The following MYO10 variants were observed in gnomAD, a reference collection of about 807,000 sequenced individuals.
The protein encoded by MYO10 is myosin X.
Under a neutral mutation model 257.3 loss-of-function variants are expected in MYO10, and 133 were observed. The ratio of observed to expected loss-of-function variants is 0.52; its 90% CI spans 0.45 to 0.60. The LOEUF (loss-of-function observed/expected upper bound fraction) is 0.60, where lower values mean the gene tolerates loss of function less well. Ranked by LOEUF, MYO10 falls within the 20% of genes least tolerant of loss-of-function variation. The pLI is 0.00. For synonymous variants in MYO10, 1,104 were observed against 1,028.6 expected (o/e 1.07, Z -1.40); for missense variants, 2,399 against 2,635.7 (o/e 0.91, Z 1.97).
intron 2 of MYO10, among the ~76,000 whole-genome samples, chr5:16,857,088 T>C (rs1010034321): frequency 1.3e-5 from 2 of 152,234 alleles, no homozygotes; most frequent in East Asian, 3.8e-4. Context: ...CAACTCGCTT[T>C]CTGAAATACT....
At chr5:16,697,114 A>G (rs1306850674) in intron 26 of MYO10, among the ~76,000 whole-genome samples, 2 of 152,090 alleles carry the variant, frequency 1.3e-5, no homozygotes, top group Non-Finnish European at 2.9e-5. Flanking sequence ...TTTCATTCCA[A>G]CAGTCCTACT....
At position 16,680,124 on chromosome 5, in the gene MYO10, C is replaced by T. The variant is rs1472212850; in HGVS notation, c.4385-20G>A. Reference sequence around the variant, plus strand: ...AGTAGCCTGCAATGGCAGGGGTGCCCAGCACACGCACGTCAACGCCAACCT... The same window carrying T: ...AGTAGCCTGCAATGGCAGGGGTGCCTAGCACACGCACGTCAACGCCAACCT... On this transcript the variant is annotated intron_variant, in intron 32 of 40. Coordinates refer to ENST00000513610, the MANE Select transcript of MYO10 (RefSeq NM_012334.3). 6.2e-7 allele frequency: 1 copy of T among 1,600,192 alleles called. No homozygotes were observed. Among genetic ancestry groups the T allele is most frequent in the Non-Finnish European group, 8.6e-7 (1 of 1,169,540 alleles).
At chr5:16,902,040 ATTTTC>A (rs1410756597) in intron 1 of MYO10, among the ~76,000 whole-genome samples, 1 of 151,924 alleles carries the variant, frequency 6.6e-6, no homozygotes, top group Non-Finnish European at 1.5e-5. Flanking sequence ...CTTACCTTTT[ATTTTC>A]TTTATTTTTT....
At position 16,769,164 on chromosome 5, in the gene MYO10, G is replaced by A. The variant is rs11750538; in HGVS notation, c.970C>T (p.Arg324Trp). The change falls in exon 10 of 41, where the codon CGG (arginine) becomes TGG (tryptophan). Residue 324 changes from arginine (R) to tryptophan (W), a missense_variant. Physicochemically the swap from Arg to Trp is moderately radical, Grantham distance 101. Coordinates refer to ENST00000513610, the MANE Select transcript of MYO10 (RefSeq NM_012334.3). ...DVMQFSKEEV[R>W]EVSRLLAGIL... The stretch of plus-strand genomic sequence containing the variant: ...CCAGCAAGCAGCCTCGACACTTCCC[G>A]AACTTCCTCCTTGCTGAACTGCATC... 0.58 allele frequency: 935,084 copies of A among 1,610,528 alleles called. 275,431 individuals carry two copies. Among genetic ancestry groups the A allele is most frequent in the Middle Eastern group, 0.63 (3,814 of 6,042 alleles).
intron 1 of MYO10, among the ~76,000 whole-genome samples, chr5:16,878,630 C>T (rs996946293): frequency 6.6e-6 from 1 of 152,118 alleles, no homozygotes; most frequent in African/African-American, 2.4e-5. Flanking sequence ...CAAAGAATTA[C>T]CTTCATGAAT....
intron 2 of MYO10, among the ~76,000 whole-genome samples, chr5:16,839,450 T>C (rs1229844819): frequency 6.6e-6 from 1 of 152,074 alleles, no homozygotes; most frequent in Non-Finnish European, 1.5e-5. Flanking sequence ...CATGATCAAA[T>C]TGGGACACAC....
chr5:16,741,056 CCCTT>C (rs1740001122), intron 19 of MYO10, among the ~76,000 whole-genome samples: 1 of 152,200 alleles, frequency 6.6e-6, no homozygotes, highest in Non-Finnish European at 1.5e-5. Context: ...GAAAACACCT[CCCTT>C]CCAGGGCACA....
In MYO10 at chr5:16,670,851, T is replaced by C; in HGVS notation, c.5558A>G (p.Glu1853Gly). 6.2e-7 allele frequency: 1 copy of C among 1,613,942 alleles called. No individual in the cohort carries two copies. Among genetic ancestry groups the C allele is most frequent in the Non-Finnish European group, 8.5e-7 (1 of 1,179,882 alleles). The change falls in exon 39 of 41, where the codon GAG becomes GGG. Residue 1853 changes from glutamate to glycine, a missense_variant. Physicochemically the swap from Glu to Gly is moderately conservative, Grantham distance 98. Transcript: ENST00000513610. ...TLHAAIPPLE[E>G]VYSLQRLKAR... ...CTTGAGTCTCTGCAGGGAATAAACC[T>C]CTTCGAGAGGTGGGATGGCAGCGTG...
intron 30 of MYO10, among the ~76,000 whole-genome samples, chr5:16,683,019 A>G (rs527545308): frequency 3.0e-4 from 45 of 152,274 alleles, no homozygotes; most frequent in African/African-American, 9.6e-4. Flanking sequence ...GATATGACAC[A>G]TACGTGTTAA....
chr5:16,754,792 A>G lies in MYO10; in HGVS notation c.1929+36T>C, dbSNP rs369304831. On this transcript the variant is annotated intron_variant, in intron 19 of 40. Transcript: ENST00000513610. Reference sequence around the variant, plus strand: ...CCACCCCAGGAGGCTGTGTCCCTCGAGACAGATCCCAGCCTAGGACTGTCA... The same window carrying G: ...CCACCCCAGGAGGCTGTGTCCCTCGGGACAGATCCCAGCCTAGGACTGTCA... 5.3e-6 allele frequency: 8 copies of G among 1,501,448 alleles called. No individual in the cohort carries two copies. The African/African-American group carries it at 1.1e-4, about 21-fold the overall frequency. 93.0% of individuals were successfully genotyped at this position (1,501,448 alleles called of 1,614,324 possible).
At chr5:16,924,701 TG>T (rs1192054950) in intron 1 of MYO10, among the ~76,000 whole-genome samples, 1 of 151,918 alleles carries the variant, frequency 6.6e-6, no homozygotes, top group Admixed American at 6.6e-5. Context: ...CACATCAAAA[TG>T]GCAAAAAAAT....
chr5:16,727,381 G>A (rs909521419), intron 19 of MYO10, among the ~76,000 whole-genome samples: 9 of 152,136 alleles, frequency 5.9e-5, no homozygotes, highest in African/African-American at 9.7e-5. Flanking sequence ...CCTGCAGCAT[G>A]TTTTGTATAA....
At chr5:16,792,773 G>C (rs1267495992) in intron 4 of MYO10, among the ~76,000 whole-genome samples, 1 of 152,110 alleles carries the variant, frequency 6.6e-6, no homozygotes, top group African/African-American at 2.4e-5. Flanking sequence ...ACTTGGCTGG[G>C]AGTCTTAGGC....
chr5:16,765,490 C>T (rs958571470), intron 11 of MYO10, among the ~76,000 whole-genome samples: 1 of 152,162 alleles, frequency 6.6e-6, no homozygotes, highest in African/African-American at 2.4e-5. Flanking sequence ...TTATATCTAT[C>T]AATCTATCTA....
At chr5:16,747,831 A>G (rs991248667) in intron 19 of MYO10, among the ~76,000 whole-genome samples, 8 of 149,686 alleles carry the variant, frequency 5.3e-5, no homozygotes, top group Non-Finnish European at 7.4e-5. Context: ...AGGCAGGAGA[A>G]TCACTTGAAC....
chr5:16,929,384 T>C (rs1746235287), intron 1 of MYO10, among the ~76,000 whole-genome samples: 1 of 152,158 alleles, frequency 6.6e-6, no homozygotes, highest in Admixed American at 6.5e-5. Context: ...AACTGCCCAC[T>C]TTTAGGGCAT....
rs566602229 is a variant in MYO10 at position 16,829,915 on chromosome 5, G to A, written c.121-11748C>T. ...CACACACACACACGCACACGCACACGCACACAAGAATATACTAGGATAGTT... is the reference window on the plus strand; with the variant it reads ...CACACACACACACGCACACGCACACACACACAAGAATATACTAGGATAGTT... On this transcript the variant is annotated intron_variant, in intron 2 of 40. Transcript: ENST00000513610. 2.6e-4 allele frequency among the ~76,000 whole-genome samples: 40 copies of A among 151,462 alleles called. 1 individual carries two copies. Among genetic ancestry groups the A allele is most frequent in the Admixed American group, 1.8e-3 (28 of 15,214 alleles).
intron 1 of MYO10, among the ~76,000 whole-genome samples, chr5:16,932,559 A>C (rs1746319191): frequency 6.6e-6 from 1 of 152,186 alleles, no homozygotes; most frequent in South Asian, 2.1e-4. Flanking sequence ...AATGCTGAAA[A>C]AACAAGCTTC....
In MYO10 at chr5:16,829,632, C is replaced by T. The variant is rs147341776; in HGVS notation, c.121-11465G>A. Among the ~76,000 whole-genome samples the T allele has an allele frequency of 1.6e-3, 237 of 152,262 alleles. 1 individual carries two copies. Among genetic ancestry groups the T allele is most frequent in the African/African-American group, 5.4e-3 (224 of 41,552 alleles). On this transcript the variant is annotated intron_variant, in intron 2 of 40. Coordinates refer to ENST00000513610, the MANE Select transcript of MYO10 (RefSeq NM_012334.3). The stretch of plus-strand genomic sequence containing the variant: ...CATCCAGCTCAAACCTTTCTGACAG[C>T]GCCGCAGGGCTGCAGGCAGGCTAAC...
Sources: allele counts gnomAD v4.1 joint callset (sites outside exome capture counted in the v4.1 genomes callset), GRCh38; gene constraint gnomAD v4.1.1; transcripts MANE v1.5; gene names NCBI Gene and HGNC (gene_info 2026-07-23, HGNC 2026-07-21).